KCNH8: variants seen among roughly 807,000 people sequenced by gnomAD.
KCNH8 encodes voltage-gated delayed rectifier potassium channel KCNH8.
KCNH8 carries 70 observed loss-of-function variants against 103.6 expected under a neutral mutation model. That is an observed-to-expected ratio of 0.68 (90% CI 0.56 to 0.82). The LOEUF (loss-of-function observed/expected upper bound fraction) is 0.82, where lower values mean the gene tolerates loss of function less well. KCNH8 is among the 40% of genes least tolerant of loss of function. The pLI is 0.00. For missense variants in KCNH8, 1,217 were observed against 1,329.9 expected (o/e 0.92, Z 1.32); for synonymous variants, 498 against 489.4 (o/e 1.02, Z -0.23).
chr3:19,241,783 G>A (rs34997546), intron 1 of KCNH8, among the ~76,000 whole-genome samples: 2,907 of 152,118 alleles, frequency 0.019, 78 homozygotes, highest in African/African-American at 0.064. Context: ...ATTCCTGATG[G>A]AGAAAGTATA....
intron 3 of KCNH8, among the ~76,000 whole-genome samples, chr3:19,323,694 CT>C (rs770633220): frequency 2.0e-5 from 3 of 152,136 alleles, no homozygotes; most frequent in Non-Finnish European, 4.4e-5. Flanking sequence ...CCACAGGATG[CT>C]CCCTTGATGT....
At chr3:19,512,306 G>A (rs1160917942) in intron 12 of KCNH8, among the ~76,000 whole-genome samples, 1 of 152,164 alleles carries the variant, frequency 6.6e-6, no homozygotes, top group Non-Finnish European at 1.5e-5. Context: ...GAGTCCAGTA[G>A]TTACAGGATG....
chr3:19,409,786 C>T (rs1475540271), intron 7 of KCNH8, among the ~76,000 whole-genome samples: 1 of 152,018 alleles, frequency 6.6e-6, no homozygotes, highest in African/African-American at 2.4e-5. Context: ...TACAACATTA[C>T]ATAATGATAA....
At chr3:19,499,950 A>C (rs1367124684) in intron 11 of KCNH8, among the ~76,000 whole-genome samples, 3 of 152,204 alleles carry the variant, frequency 2.0e-5, no homozygotes, top group East Asian at 3.9e-4. Context: ...TATTAACTTT[A>C]AATGTAAATG....
At chr3:19,527,890 T>C (rs953063471) in intron 15 of KCNH8, among the ~76,000 whole-genome samples, 9 of 152,118 alleles carry the variant, frequency 5.9e-5, no homozygotes, top group Middle Eastern at 3.2e-3. Context: ...CTTCAAAGTT[T>C]TTGGATACAA....
intron 7 of KCNH8, among the ~76,000 whole-genome samples, chr3:19,437,575 G>A (rs2067218411): frequency 2.0e-5 from 3 of 152,010 alleles, no homozygotes; most frequent in Admixed American, 6.6e-5. Context: ...CCCTAATTTC[G>A]AAGTGGGACT....
chr3:19,495,249 CT>C (rs1346455994), intron 11 of KCNH8, among the ~76,000 whole-genome samples: 1 of 152,098 alleles, frequency 6.6e-6, no homozygotes, highest in African/African-American at 2.4e-5. Context: ...CTTTTGGCAT[CT>C]TTTTCGTGAA....
At chr3:19,362,069 T>C (rs2065953522) in intron 5 of KCNH8, among the ~76,000 whole-genome samples, 1 of 152,134 alleles carries the variant, frequency 6.6e-6, no homozygotes, top group Admixed American at 6.6e-5. Flanking sequence ...CACTCACTGT[T>C]CAATCAATAA....
At chr3:19,404,006 A>G (rs1055378594) in intron 7 of KCNH8, among the ~76,000 whole-genome samples, 1 of 151,988 alleles carries the variant, frequency 6.6e-6, no homozygotes, top group Non-Finnish European at 1.5e-5. Context: ...GAGGCAGTGC[A>G]TCAGTCAATT....
At chr3:19,284,664 A>T (rs1039645737) in intron 3 of KCNH8, among the ~76,000 whole-genome samples, 5 of 152,100 alleles carry the variant, frequency 3.3e-5, no homozygotes, top group African/African-American at 1.2e-4. Context: ...TATTCCAAAA[A>T]TAGTGTGTAC....
At chr3:19,357,731 A>G (rs150576947) in intron 5 of KCNH8, among the ~76,000 whole-genome samples, 18 of 152,032 alleles carry the variant, frequency 1.2e-4, no homozygotes, top group African/African-American at 4.3e-4. Context: ...CAGAAAGCTA[A>G]GTGTCAAAAG....
At chr3:19,505,682 A>C (rs190258151) in intron 11 of KCNH8, among the ~76,000 whole-genome samples, 2 of 152,046 alleles carry the variant, frequency 1.3e-5, no homozygotes, top group Non-Finnish European at 2.9e-5. Context: ...AGTTCTCTGC[A>C]TTTTCTGAAC....
At chr3:19,447,735 AAAGACTT>A (rs1429372551) in intron 8 of KCNH8, among the ~76,000 whole-genome samples, 2 of 151,994 alleles carry the variant, frequency 1.3e-5, no homozygotes, top group Non-Finnish European at 2.9e-5. Flanking sequence ...CTTCCAAATA[AAAGACTT>A]AAGCATCAGA....
chr3:19,381,259 A>T (rs1403103823), intron 5 of KCNH8, among the ~76,000 whole-genome samples: 1 of 151,664 alleles, frequency 6.6e-6, no homozygotes, highest in African/African-American at 2.4e-5. Flanking sequence ...TGAACACCTG[A>T]TTTATGTCAA....
intron 7 of KCNH8, among the ~76,000 whole-genome samples, chr3:19,420,932 C>T (rs911293137): frequency 6.6e-6 from 1 of 152,022 alleles, no homozygotes; most frequent in Non-Finnish European, 1.5e-5. Flanking sequence ...GGTAGTCATT[C>T]TTTACAAATA....
chr3:19,360,610 C>T (rs537061897), intron 5 of KCNH8, among the ~76,000 whole-genome samples: 9 of 152,126 alleles, frequency 5.9e-5, no homozygotes, highest in African/African-American at 2.2e-4. Flanking sequence ...TGTTTTCTAA[C>T]CCAACATTGC....
chr3:19,478,508 T>C (rs1298213003), intron 11 of KCNH8, among the ~76,000 whole-genome samples: 3 of 152,164 alleles, frequency 2.0e-5, no homozygotes, highest in African/African-American at 7.2e-5. Flanking sequence ...GTGGTTTTAA[T>C]TTGAAATGCA....
At chr3:19,245,460 CG>C (rs1158993668) in intron 1 of KCNH8, among the ~76,000 whole-genome samples, 1 of 152,028 alleles carries the variant, frequency 6.6e-6, no homozygotes, top group Non-Finnish European at 1.5e-5. Flanking sequence ...TGTTTCCATA[CG>C]AATTTTAGAA....
rs547321108 is a variant in KCNH8, at chr3:19,238,396, A to G, written c.77-15258A>G. On this transcript the variant is annotated intron_variant, in intron 1 of 15. Transcript: ENST00000328405. Reference sequence around the variant, plus strand: ...TAATTTCCCTGTCTCAAGACTGAGAAAATAGTAGACTAGACAATGGTAAAA... The same window carrying G: ...TAATTTCCCTGTCTCAAGACTGAGAGAATAGTAGACTAGACAATGGTAAAA... 3.3e-5 allele frequency among the ~76,000 whole-genome samples: 5 copies of G among 152,348 alleles called. No homozygotes were observed. In the South Asian group the frequency reaches 1.0e-3, roughly 32 times the overall value.
Sources: allele counts gnomAD v4.1 joint callset (sites outside exome capture counted in the v4.1 genomes callset), GRCh38; gene constraint gnomAD v4.1.1; transcripts MANE v1.5; gene names NCBI Gene and HGNC (gene_info 2026-07-23, HGNC 2026-07-21).